DLG1: variants seen among roughly 807,000 people sequenced by gnomAD.
DLG1 encodes the protein discs large MAGUK scaffold protein 1.
In DLG1, 42 loss-of-function variants were observed where a neutral mutation model predicts 123.4. The observed-to-expected ratio is 0.34, with a 90% confidence interval of 0.27 to 0.44. DLG1 has a LOEUF of 0.44. DLG1 is among the 20% of genes least tolerant of loss of function. The probability of loss-of-function intolerance (pLI) is 1.00; values close to 1 mark genes in which losing one functional copy is unlikely to be tolerated. For synonymous variants in DLG1, 317 were observed against 356.2 expected (o/e 0.89, Z 1.24); for missense variants, 942 against 1,082.6 (o/e 0.87, Z 1.82).
intron 4 of DLG1, among the ~76,000 whole-genome samples, chr3:197,261,627 A>G (rs1578923734): frequency 6.6e-6 from 1 of 152,328 alleles, no homozygotes; most frequent in South Asian, 2.1e-4. Flanking sequence ...CTAACATTTC[A>G]AATACACATG....
chr3:197,162,861 C>A (rs546585463), intron 5 of DLG1, among the ~76,000 whole-genome samples: 1 of 152,108 alleles, frequency 6.6e-6, no homozygotes, highest in Non-Finnish European at 1.5e-5. Context: ...TAGACTCTAA[C>A]AGAATTAAAA....
At chr3:197,212,536 G>C (rs1731810628) in intron 4 of DLG1, among the ~76,000 whole-genome samples, 2 of 152,196 alleles carry the variant, frequency 1.3e-5, no homozygotes, top group South Asian at 4.1e-4. Flanking sequence ...ACTTCCAGCG[G>C]CTTGCTGGCA....
chr3:197,052,753 G>T (rs1297687731), intron 23 of DLG1, among the ~76,000 whole-genome samples: 2 of 152,166 alleles, frequency 1.3e-5, no homozygotes, highest in African/African-American at 2.4e-5. Context: ...AACATCTGCA[G>T]AAGAAATGAC....
intron 3 of DLG1, 46 bp from the exon 4 acceptor site, chr3:197,282,891 C>CT (rs1560147617): frequency 8.3e-7 from 1 of 1,202,478 alleles, no homozygotes; most frequent in African/African-American, 1.6e-5. Context: ...TATTTTCTAA[C>CT]TAAATTATGC....
At chr3:197,079,890 G>A (rs1415248395) in intron 17 of DLG1, among the ~76,000 whole-genome samples, 2 of 151,990 alleles carry the variant, frequency 1.3e-5, no homozygotes, top group African/African-American at 4.8e-5. Context: ...AAAGCTTTAA[G>A]TCTGAGTGCT....
intron 5 of DLG1, among the ~76,000 whole-genome samples, chr3:197,190,196 TCTCTCA>T (rs1718507754): frequency 6.6e-6 from 1 of 152,258 alleles, no homozygotes; most frequent in African/African-American, 2.4e-5. Flanking sequence ...TCAATTTAAG[TCTCTCA>T]CTCTAGAAGG....
At chr3:197,258,882 C>A (rs1160576043) in intron 4 of DLG1, among the ~76,000 whole-genome samples, 3 of 152,094 alleles carry the variant, frequency 2.0e-5, no homozygotes, top group Admixed American at 1.3e-4. Flanking sequence ...CTTCTAATTT[C>A]CAACCTACAT....
intron 6 of DLG1, among the ~76,000 whole-genome samples, chr3:197,149,191 C>T (rs1792665615): frequency 2.0e-5 from 3 of 152,112 alleles, no homozygotes; most frequent in Non-Finnish European, 4.4e-5. Context: ...AACCCTGTAC[C>T]TATTAGCAGT....
intron 16 of DLG1, among the ~76,000 whole-genome samples, chr3:197,083,510 G>A (rs897624105): frequency 4.6e-5 from 7 of 152,168 alleles, no homozygotes; most frequent in African/African-American, 1.7e-4. Flanking sequence ...ATTCTGAAAT[G>A]ACATTTTAAC....
intron 5 of DLG1, among the ~76,000 whole-genome samples, chr3:197,163,473 C>G (rs895402995): frequency 6.6e-6 from 1 of 151,658 alleles, no homozygotes; most frequent in Non-Finnish European, 1.5e-5. Flanking sequence ...ACGTGTCTAT[C>G]AGGAGATGAA....
intron 5 of DLG1, among the ~76,000 whole-genome samples, chr3:197,158,176 C>A (rs956490245): frequency 6.6e-6 from 1 of 152,156 alleles, no homozygotes; most frequent in Non-Finnish European, 1.5e-5. Flanking sequence ...ACAATAAGCA[C>A]ATGAACAGAT....
At chr3:197,232,025 G>C (rs1743419957) in intron 4 of DLG1, among the ~76,000 whole-genome samples, 1 of 152,100 alleles carries the variant, frequency 6.6e-6, no homozygotes, top group African/African-American at 2.4e-5. Context: ...GAGAGCATAA[G>C]AATCAGAGGA....
chr3:197,152,657 G>A (rs1311198941), intron 5 of DLG1, among the ~76,000 whole-genome samples: 2 of 150,962 alleles, frequency 1.3e-5, no homozygotes, highest in Non-Finnish European at 2.9e-5. Flanking sequence ...CAGCTACTTG[G>A]GAGGCTGAGG....
intron 2 of DLG1, 109 bp downstream of exon 2, chr3:197,297,077 C>T (rs901774230): frequency 1.4e-5 from 17 of 1,175,324 alleles, no homozygotes; most frequent in Non-Finnish European, 2.0e-5. Flanking sequence ...AAAGCTAGGA[C>T]CGTGCTGTCT....
chr3:197,166,861 C>T (rs538216770), intron 5 of DLG1, among the ~76,000 whole-genome samples: 3 of 151,644 alleles, frequency 2.0e-5, no homozygotes, highest in South Asian at 2.1e-4. Flanking sequence ...CATTCCACTC[C>T]GGCCTGGGCA....
intron 4 of DLG1, among the ~76,000 whole-genome samples, chr3:197,215,273 C>T (rs1247496181): frequency 1.3e-5 from 2 of 151,936 alleles, no homozygotes; most frequent in African/African-American, 4.8e-5. Flanking sequence ...GAATGAAGGA[C>T]ATTATATATC....
intron 17 of DLG1, among the ~76,000 whole-genome samples, chr3:197,078,919 T>A (rs1033240757): frequency 6.6e-6 from 1 of 152,216 alleles, no homozygotes; most frequent in African/African-American, 2.4e-5. Flanking sequence ...GTCTGATTCT[T>A]ATTATCTTTG....
At chr3:197,219,164 C>T (rs1735629554) in intron 4 of DLG1, among the ~76,000 whole-genome samples, 2 of 151,898 alleles carry the variant, frequency 1.3e-5, no homozygotes, top group South Asian at 4.2e-4. Context: ...GAAATTAAAA[C>T]TCAGATTACC....
intron 5 of DLG1, among the ~76,000 whole-genome samples, chr3:197,157,721 C>T (rs1005608886): frequency 2.6e-5 from 4 of 152,046 alleles, no homozygotes; most frequent in Non-Finnish European, 4.4e-5. Context: ...TTTCACGGTA[C>T]CCTGAAAGCC....
Sources: gnomAD v4.1 joint callset for allele counts (sites outside exome capture counted in the v4.1 genomes callset) on GRCh38, gnomAD v4.1.1 for gene constraint, MANE v1.5 for transcripts, NCBI Gene and HGNC (gene_info 2026-07-23, HGNC 2026-07-21) for gene names.